PPP1R12A: variants seen among roughly 807,000 people sequenced by gnomAD.
PPP1R12A encodes myosin binding subunit.
PPP1R12A carries 19 observed loss-of-function variants against 139.6 expected under a neutral mutation model. That is an observed-to-expected ratio of 0.14 (90% confidence interval 0.09 to 0.20). PPP1R12A has a LOEUF of 0.20. Ranked by LOEUF, PPP1R12A falls within the 10% of genes least tolerant of loss-of-function variation. The pLI is 1.00. For missense variants in PPP1R12A, 925 were observed against 1,211.5 expected (o/e 0.76, Z 3.51); for synonymous variants, 427 against 420.6 (o/e 1.02, Z -0.19).
intron 22 of PPP1R12A, among the ~76,000 whole-genome samples, chr12:79,784,516 G>T (rs1486400836): frequency 1.3e-5 from 2 of 152,168 alleles, no homozygotes; most frequent in African/African-American, 2.4e-5. Flanking sequence ...GAGACATACA[G>T]GAAGAATTAC....
intron 22 of PPP1R12A, among the ~76,000 whole-genome samples, chr12:79,785,756 T>A (rs1871043527): frequency 1.3e-5 from 2 of 152,146 alleles, no homozygotes; most frequent in Non-Finnish European, 2.9e-5. Context: ...TTTTTTGTTT[T>A]TTGAAAGGAG....
intron 5 of PPP1R12A, among the ~76,000 whole-genome samples, chr12:79,822,903 A>G (rs1035392812): frequency 6.6e-6 from 1 of 151,688 alleles, no homozygotes; most frequent in Non-Finnish European, 1.5e-5. Context: ...ATTTTCTTCA[A>G]CATACAGTTA....
At position 79,934,723 on chromosome 12, in the gene PPP1R12A, T is replaced by G; in HGVS notation, c.209A>C (p.Asn70Thr). 1 of 1,548,000 alleles carries G rather than the reference T, an allele frequency of 6.5e-7. No individual in the cohort carries two copies. Among genetic ancestry groups the G allele is most frequent in the Non-Finnish European group, 8.7e-7 (1 of 1,144,978 alleles). Residue 70 changes from asparagine to threonine, a missense_variant, in exon 1 of 25, where the codon AAT becomes ACT. Physicochemically the swap from Asn to Thr is moderately conservative, Grantham distance 65. Around this residue, in one of 4 missense-constraint regions of PPP1R12A, gnomAD observed 199 missense variants for 352.4 expected, o/e 0.56. Transcript: ENST00000450142. ...LHRGADINYA[N>T]VDGLTALHQA... ...GTGCAGGGCAGTGAGTCCGTCCACA[T>G]TGGCGTAATTGATGTCGGCGCCGCG...
At chr12:79,873,606 A>C (rs1018953448) in intron 1 of PPP1R12A, among the ~76,000 whole-genome samples, 3 of 151,952 alleles carry the variant, frequency 2.0e-5, no homozygotes, top group Non-Finnish European at 4.4e-5. Flanking sequence ...CAAGGCTGCA[A>C]TGAACTATGA....
intron 23 of PPP1R12A, chr12:79,779,465 TA>T (rs745853279): frequency 1.0e-4 from 83 of 791,766 alleles, no homozygotes; most frequent in Non-Finnish European, 1.4e-4. Context: ...ACATTTACTG[TA>T]AATGTTAATG....
chr12:79,776,793 G>C (rs1335308117), intron 24 of PPP1R12A, among the ~76,000 whole-genome samples: 2 of 152,094 alleles, frequency 1.3e-5, no homozygotes, highest in Non-Finnish European at 2.9e-5. Flanking sequence ...GATTAAAACT[G>C]TATGTTCTTT....
chr12:79,838,860 G>C (rs537332259), intron 3 of PPP1R12A, among the ~76,000 whole-genome samples: 1 of 152,322 alleles, frequency 6.6e-6, no homozygotes, highest in Admixed American at 6.5e-5. Context: ...AGTGTGGAAG[G>C]GAAATGTGAG....
chr12:79,896,298 A>G (rs1462022589), intron 1 of PPP1R12A, among the ~76,000 whole-genome samples: 1 of 152,152 alleles, frequency 6.6e-6, no homozygotes, highest in African/African-American at 2.4e-5. Context: ...AGGCCTTTAT[A>G]TATGTTTCAG....
At chr12:79,868,155 A>G (rs1027680036) in intron 2 of PPP1R12A, among the ~76,000 whole-genome samples, 1 of 152,234 alleles carries the variant, frequency 6.6e-6, no homozygotes, top group Non-Finnish European at 1.5e-5. Flanking sequence ...TTATTTCTTC[A>G]GTCAGAGAAC....
chr12:79,834,148 G>C (rs1398942118), intron 3 of PPP1R12A, among the ~76,000 whole-genome samples: 1 of 151,812 alleles, frequency 6.6e-6, no homozygotes, highest in Non-Finnish European at 1.5e-5. Flanking sequence ...AGCAAGGAAA[G>C]GAAACAGAAA....
chr12:79,854,476 C>T (rs1449854604), intron 2 of PPP1R12A, among the ~76,000 whole-genome samples: 1 of 152,074 alleles, frequency 6.6e-6, no homozygotes, highest in Non-Finnish European at 1.5e-5. Context: ...TAATTCCGCT[C>T]TTTAGATCCC....
intron 5 of PPP1R12A, chr12:79,825,076 G>A: frequency 6.6e-6 from 1 of 152,084 alleles, no homozygotes; most frequent in Non-Finnish European, 1.5e-5. Flanking sequence ...AAGAAACTCA[G>A]TCTGCGTGCA....
intron 14 of PPP1R12A, among the ~76,000 whole-genome samples, chr12:79,803,986 G>A (rs1472591108): frequency 6.6e-6 from 1 of 152,054 alleles, no homozygotes; most frequent in Non-Finnish European, 1.5e-5. Context: ...TTTGTCACTG[G>A]AGAAATTTTC....
intron 20 of PPP1R12A, 51 bp from the exon 21 acceptor site, chr12:79,788,834 A>AT: frequency 6.8e-7 from 1 of 1,469,242 alleles, no homozygotes; most frequent in Non-Finnish European, 9.2e-7. Flanking sequence ...TTTTACAATT[A>AT]TAACAACATA....
chr12:79,787,931 T>C (rs1348574494), intron 21 of PPP1R12A: 1 of 152,244 alleles, frequency 6.6e-6, no homozygotes, highest in Non-Finnish European at 1.5e-5. Context: ...AAGGTCTCTC[T>C]CCACTACATG....
upstream of PPP1R12A, chr12:79,935,212 TG>T: frequency 7.7e-7 from 1 of 1,292,968 alleles, no homozygotes; most frequent in African/African-American, 1.5e-5. Flanking sequence ...AGATCCGGAC[TG>T]GGAGGCGCCC....
intron 2 of PPP1R12A, among the ~76,000 whole-genome samples, chr12:79,862,315 A>G (rs528862826): frequency 2.2e-4 from 33 of 152,346 alleles, no homozygotes; most frequent in African/African-American, 5.8e-4. Flanking sequence ...TCTGTAGGTC[A>G]CCAACGTTAA....
intron 2 of PPP1R12A, among the ~76,000 whole-genome samples, chr12:79,861,334 G>C (rs1232218255): frequency 1.3e-5 from 2 of 152,134 alleles, no homozygotes; most frequent in Admixed American, 6.5e-5. Context: ...TGTTCAAACG[G>C]GAGTTACTTC....
chr12:79,842,186 G>A (rs980661584), intron 3 of PPP1R12A, among the ~76,000 whole-genome samples: 1 of 152,056 alleles, frequency 6.6e-6, no homozygotes, highest in African/African-American at 2.4e-5. Context: ...CAGGTGAGGT[G>A]GCATGCGCCT....
Sources: allele counts gnomAD v4.1 joint callset (sites outside exome capture counted in the v4.1 genomes callset), GRCh38; gene constraint gnomAD v4.1.1; regional missense constraint gnomAD v4.1.1; transcripts MANE v1.5; gene names NCBI Gene and HGNC (gene_info 2026-07-23, HGNC 2026-07-21).